The following ZNF469 variants were observed in gnomAD, a reference collection of about 807,000 sequenced individuals.
The protein encoded by ZNF469 is zinc finger protein 469.
A neutral mutation model predicts 1.0 loss-of-function variants in ZNF469; 1 was observed. The ratio of observed to expected loss-of-function variants is 1.00; its 90% CI spans 0.35 to 4.73. ZNF469 has a LOEUF of 4.73. Ranked by LOEUF, ZNF469 falls within the 30% of genes most tolerant of loss-of-function variation. The probability of loss-of-function intolerance (pLI) is 0.16; values close to 1 mark genes in which losing one functional copy is unlikely to be tolerated. For missense variants in ZNF469, 6,100 were observed against 5,356.3 expected, an observed-to-expected ratio of 1.14 and a Z score of -4.33; for synonymous variants, 2,703 against 2,363.4, an observed-to-expected ratio of 1.14 and a Z score of -4.17.
chr16:88,428,279 G>C lies in ZNF469; in HGVS notation c.809G>C (p.Gly270Ala). The change falls in exon 3 of 3, where the codon GGA (glycine) becomes GCA (alanine). Residue 270 changes from glycine (G) to alanine (A), a missense_variant. By Grantham distance (60) the Gly-to-Ala change is moderately conservative. Coordinates refer to ENST00000565624, the MANE Select transcript of ZNF469 (RefSeq NM_001367624.2). The part of the protein sequence containing the change: ...KGSRPGGSPR[G>A]VSFQFPFPAL... The stretch of plus-strand genomic sequence containing the variant: ...AGCAGGCCCGGCGGCAGCCCCAGGG[G>C]AGTTTCCTTCCAGTTCCCCTTCCCG... The C allele has an allele frequency of 6.5e-7, 1 of 1,550,378 alleles. No individual in the cohort carries two copies. The highest frequency in any genetic ancestry group is 8.7e-7 in the Non-Finnish European group (1 of 1,146,942).
At chr16:88,242,652 G>T in the ZNF469 span, among the ~76,000 whole-genome samples, 2 of 152,374 alleles carry the variant, frequency 1.3e-5, no homozygotes, top group African/African-American at 4.8e-5. Flanking sequence ...GGAAGCTCCA[G>T]CCTGACCACC....
Position 88,436,038 on chromosome 16 carries a change from G to A in ZNF469, c.8568G>A (p.Glu2856=). The A allele has an allele frequency of 6.5e-7, 1 of 1,550,264 alleles. No individual in the cohort carries two copies. The highest frequency in any genetic ancestry group is 8.7e-7 in the Non-Finnish European group (1 of 1,146,960). Residue 2856 remains glutamate (E), a synonymous_variant, in exon 3 of 3, where the codon GAG becomes GAA. Transcript: ENST00000565624. ...AKDPPSLFDD[E]VSFSQLFPPG... ...ATCCTCCAAGCTTGTTTGATGATGAGGTCTCTTTCTCCCAGCTCTTCCCTC... is the reference window on the plus strand; with the variant it reads ...ATCCTCCAAGCTTGTTTGATGATGAAGTCTCTTTCTCCCAGCTCTTCCCTC...
chr16:88,261,087 G>C, the ZNF469 span, among the ~76,000 whole-genome samples: 1 of 152,128 alleles, frequency 6.6e-6, no homozygotes, highest in Non-Finnish European at 1.5e-5. The surrounding 1 kb of genome is among the most constrained non-coding windows in gnomAD (Gnocchi z 6.0). Flanking sequence ...GCTGGGATGC[G>C]GTCCGGAGAG....
chr16:88,404,460 C>A (rs554840550), intron 1 of ZNF469, among the ~76,000 whole-genome samples: 1 of 152,286 alleles, frequency 6.6e-6, no homozygotes, highest in East Asian at 1.9e-4. Context: ...GGTTGTCCAC[C>A]CACATATCCC....
the ZNF469 span, among the ~76,000 whole-genome samples, chr16:88,310,439 C>T: frequency 1.3e-5 from 2 of 152,188 alleles, no homozygotes; most frequent in South Asian, 2.1e-4. Context: ...CACAGCCCTG[C>T]GTGCTGCCCC....
chr16:88,421,565 T>C lies in ZNF469; in HGVS notation c.-191-3242T>C, dbSNP rs996723753. Among the ~76,000 whole-genome samples the C allele has an allele frequency of 3.9e-5, 6 of 151,944 alleles. No individual in the cohort carries two copies. In the South Asian group the frequency reaches 1.2e-3, roughly 32 times the overall value. On this transcript the variant is annotated intron_variant, in intron 1 of 2. Transcript: ENST00000565624. ...GCTGGCAGCTGGCCCTCGAGTGCCC[T>C]GGGGTGCTGCAGGCAAATGTCCCTG...
chr16:88,120,917 G>A, the ZNF469 span, among the ~76,000 whole-genome samples: 1 of 152,176 alleles, frequency 6.6e-6, no homozygotes, highest in African/African-American at 2.4e-5. Flanking sequence ...GTGGTTTCTT[G>A]GTCCTCAGCC....
intron 1 of ZNF469, among the ~76,000 whole-genome samples, chr16:88,398,847 G>A (rs548984438): frequency 4.6e-5 from 7 of 152,344 alleles, no homozygotes; most frequent in Admixed American, 2.0e-4. Context: ...TCTGAGGAAA[G>A]TGTTGCTTTC....
chr16:88,237,927 C>T, the ZNF469 span, among the ~76,000 whole-genome samples: 1 of 152,204 alleles, frequency 6.6e-6, no homozygotes, highest in South Asian at 2.1e-4. Flanking sequence ...ACACAGTATC[C>T]AGCCTTCTCC....
intron 1 of ZNF469, among the ~76,000 whole-genome samples, chr16:88,399,291 A>G (rs1295986218): frequency 6.6e-5 from 10 of 152,218 alleles, no homozygotes; most frequent in Admixed American, 3.9e-4. Flanking sequence ...CCGCATCCCA[A>G]TGATCAAAGC....
At chr16:88,245,920 A>G in the ZNF469 span, among the ~76,000 whole-genome samples, 1 of 152,290 alleles carries the variant, frequency 6.6e-6, no homozygotes, top group Non-Finnish European at 1.5e-5. Context: ...GGAGCAGTAC[A>G]TAGCCCGGGG....
At chr16:88,323,747 G>A in the ZNF469 span, among the ~76,000 whole-genome samples, 19 of 152,164 alleles carry the variant, frequency 1.2e-4, no homozygotes, top group African/African-American at 4.1e-4. Context: ...GGTAATGGCC[G>A]TGGTCCCACA....
the ZNF469 span, among the ~76,000 whole-genome samples, chr16:88,167,435 G>A: frequency 6.6e-6 from 1 of 152,172 alleles, no homozygotes. Context: ...CTTGACTCCG[G>A]CAGCTGGTTG....
chr16:88,389,069 G>C (rs994509560), intron 1 of ZNF469, among the ~76,000 whole-genome samples: 1 of 152,226 alleles, frequency 6.6e-6, no homozygotes, highest in Non-Finnish European at 1.5e-5. Context: ...CGCTTCAGTG[G>C]CTTTCAGGAT....
the ZNF469 span, among the ~76,000 whole-genome samples, chr16:88,146,905 G>A: frequency 1.3e-5 from 2 of 151,982 alleles, no homozygotes; most frequent in African/African-American, 2.4e-5. Context: ...GGGCAGTGGG[G>A]CTTCCAGCAC....
At chr16:88,126,883 G>A in the ZNF469 span, among the ~76,000 whole-genome samples, 2 of 151,922 alleles carry the variant, frequency 1.3e-5, no homozygotes, top group African/African-American at 2.4e-5. Flanking sequence ...GCAGTGGGGC[G>A]ATCTCGGCTT....
chr16:88,135,993 T>G, the ZNF469 span, among the ~76,000 whole-genome samples: 1 of 151,982 alleles, frequency 6.6e-6, no homozygotes, highest in Non-Finnish European at 1.5e-5. Context: ...TCTCCTGACC[T>G]CGTGATCCAC....
At chr16:88,356,420 G>A in the ZNF469 span, among the ~76,000 whole-genome samples, 1,231 of 152,302 alleles carry the variant, frequency 8.1e-3, 16 homozygotes, top group African/African-American at 0.028. Flanking sequence ...GGGGAGGCCT[G>A]TGTTTTAGTA....
chr16:88,300,589 C>T, the ZNF469 span, among the ~76,000 whole-genome samples: 1 of 152,148 alleles, frequency 6.6e-6, no homozygotes, highest in African/African-American at 2.4e-5. Flanking sequence ...CAAAGGGAGC[C>T]TCAGAGGTTG....
Sources: gnomAD v4.1 joint callset for allele counts (sites outside exome capture counted in the v4.1 genomes callset) on GRCh38, gnomAD v4.1.1 for gene constraint, Gnocchi (gnomAD v3.1) non-coding constraint, MANE v1.5 for transcripts, NCBI Gene and HGNC (gene_info 2026-07-23, HGNC 2026-07-21) for gene names.